Variants in ARSB observed in about 807,000 individuals in gnomAD.
ARSB encodes the protein arylsulfatase B.
Under a neutral mutation model 50.9 loss-of-function variants are expected in ARSB, and 41 were observed. The ratio of observed to expected loss-of-function variants is 0.81; its 90% CI spans 0.63 to 1.04. The LOEUF (loss-of-function observed/expected upper bound fraction) is 1.04, where lower values mean the gene tolerates loss of function less well. Among genes scored for constraint, ARSB ranks in the 50% least tolerant of loss-of-function variants. ARSB has a pLI of 0.00. For synonymous variants in ARSB, 269 were observed against 284.8 expected (o/e 0.94, Z 0.56); for missense variants, 672 against 693.3 (o/e 0.97, Z 0.35).
chr5:78,798,417 C>G (rs982777241), intron 6 of ARSB, among the ~76,000 whole-genome samples: 4 of 150,972 alleles, frequency 2.6e-5, no homozygotes, highest in Admixed American at 2.6e-4. Context: ...AAACTAAACC[C>G]AAAATATTCC....
chr5:78,810,473 T>TC (rs1554071897), intron 6 of ARSB, among the ~76,000 whole-genome samples: 1 of 152,196 alleles, frequency 6.6e-6, no homozygotes, highest in Non-Finnish European at 1.5e-5. Context: ...GAAACCTACA[T>TC]CCCATTTCAG....
In ARSB at chr5:78,939,160, G is replaced by A. The variant is rs73771313; in HGVS notation, c.898+16135C>T. On this transcript the variant is annotated intron_variant, in intron 4 of 7. Transcript: ENST00000264914. The stretch of plus-strand genomic sequence containing the variant: ...TGCAGATGTATCCATGCCATGGGGA[G>A]AACATGAAAGGCTTTCATTAGCACT... 5.0e-3 allele frequency among the ~76,000 whole-genome samples: 768 copies of A among 152,296 alleles called. 7 individuals carry two copies. The highest frequency in any genetic ancestry group is 0.018 in the African/African-American group (744 of 41,562).
intron 4 of ARSB, among the ~76,000 whole-genome samples, chr5:78,912,714 C>T (rs1037320212): frequency 1.3e-5 from 2 of 152,276 alleles, no homozygotes; most frequent in African/African-American, 4.8e-5. Flanking sequence ...GTTTTGAGCT[C>T]ATAATATGAA....
intron 4 of ARSB, among the ~76,000 whole-genome samples, chr5:78,930,448 G>GAAAAAGA (rs1554083392): frequency 4.0e-5 from 6 of 151,834 alleles, no homozygotes; most frequent in South Asian, 2.1e-4. Flanking sequence ...AAAAGAAAAA[G>GAAAAAGA]AAAAAAAGAT....
chr5:78,902,368 T>C (rs1244061969), intron 4 of ARSB, among the ~76,000 whole-genome samples: 1 of 152,160 alleles, frequency 6.6e-6, no homozygotes, highest in Non-Finnish European at 1.5e-5. Flanking sequence ...AAACATAGAT[T>C]TACCACATGA....
intron 3 of ARSB, 45 bp downstream of exon 3, chr5:78,964,371 T>C: frequency 6.4e-7 from 1 of 1,562,356 alleles, no homozygotes; most frequent in South Asian, 1.1e-5. Flanking sequence ...GAAAAGACAT[T>C]AGTGTAACAA....
chr5:78,782,482 G>C (rs1404004326), intron 6 of ARSB, among the ~76,000 whole-genome samples: 1 of 152,184 alleles, frequency 6.6e-6, no homozygotes, highest in Non-Finnish European at 1.5e-5. Flanking sequence ...CTAAAAGTGA[G>C]CAGTGCTCAG....
At chr5:78,897,862 AT>A (rs1392850431) in intron 4 of ARSB, among the ~76,000 whole-genome samples, 3 of 152,138 alleles carry the variant, frequency 2.0e-5, no homozygotes, top group Non-Finnish European at 4.4e-5. Context: ...ATTTTTAAAT[AT>A]TTTTTTCTAG....
intron 1 of ARSB, among the ~76,000 whole-genome samples, chr5:78,971,350 A>G (rs10044989): frequency 0.27 from 41,042 of 152,094 alleles, 5,730 homozygotes; most frequent in Middle Eastern, 0.35. Context: ...ACTCTGCACC[A>G]GACACCAGCC....
At chr5:78,897,191 G>T (rs1250573819) in intron 4 of ARSB, among the ~76,000 whole-genome samples, 1 of 152,138 alleles carries the variant, frequency 6.6e-6, no homozygotes, top group Non-Finnish European at 1.5e-5. Context: ...TCAGAAAATT[G>T]TAAACAAGCT....
At chr5:78,903,289 T>TA (rs1748885988) in intron 4 of ARSB, among the ~76,000 whole-genome samples, 2 of 152,194 alleles carry the variant, frequency 1.3e-5, no homozygotes, top group Non-Finnish European at 2.9e-5. Flanking sequence ...AAAGTCTTCC[T>TA]AGTGTCACAA....
At chr5:78,889,682 C>T (rs980343777) in intron 4 of ARSB, among the ~76,000 whole-genome samples, 1 of 152,122 alleles carries the variant, frequency 6.6e-6, no homozygotes, top group Non-Finnish European at 1.5e-5. Context: ...TATTGGTTTG[C>T]CAAAGATCTA....
chr5:78,862,162 A>G (rs1227266989), intron 5 of ARSB, among the ~76,000 whole-genome samples: 3 of 152,222 alleles, frequency 2.0e-5, no homozygotes, highest in Non-Finnish European at 4.4e-5. Flanking sequence ...GATAGGAAGA[A>G]TCAATATAGT....
chr5:78,954,381 G>A (rs1279680837), intron 4 of ARSB, among the ~76,000 whole-genome samples: 1 of 152,184 alleles, frequency 6.6e-6, no homozygotes, highest in Admixed American at 6.5e-5. Context: ...ACATGTAACA[G>A]ATTAGGAAAC....
Position 78,942,335 on chromosome 5 carries a change from G to T in ARSB, c.898+12960C>A, listed in dbSNP as rs183207885. On this transcript the variant is annotated intron_variant, in intron 4 of 7. Coordinates refer to ENST00000264914, the MANE Select transcript of ARSB (RefSeq NM_000046.5). ...CTTGCCTTCTGCTAGCTTTTGAATG[G>T]GTTTGCTCTTGCTTCTCTAGTTCTT... Among the ~76,000 whole-genome samples the T allele has an allele frequency of 9.6e-3, 1,458 of 151,712 alleles. 25 individuals are homozygous for T. Among genetic ancestry groups the T allele is most frequent in the African/African-American group, 0.033 (1,363 of 41,334 alleles).
intron 4 of ARSB, among the ~76,000 whole-genome samples, chr5:78,940,687 G>C (rs1217099513): frequency 6.6e-6 from 1 of 152,166 alleles, no homozygotes; most frequent in Non-Finnish European, 1.5e-5. Context: ...AGTCACTGTA[G>C]CCTTGTAGCA....
chr5:78,852,200 G>T (rs1365988100), intron 5 of ARSB, among the ~76,000 whole-genome samples: 2 of 152,200 alleles, frequency 1.3e-5, no homozygotes, highest in Non-Finnish European at 2.9e-5. Flanking sequence ...GGCTGGTACC[G>T]ATTGTTCCTT....
chr5:78,782,484 A>G (rs375604626), intron 6 of ARSB, among the ~76,000 whole-genome samples: 1 of 152,250 alleles, frequency 6.6e-6, no homozygotes, highest in Non-Finnish European at 1.5e-5. Context: ...AAAAGTGAGC[A>G]GTGCTCAGTT....
At chr5:78,842,232 C>T (rs1745253013) in intron 5 of ARSB, among the ~76,000 whole-genome samples, 1 of 152,060 alleles carries the variant, frequency 6.6e-6, no homozygotes, top group Non-Finnish European at 1.5e-5. Flanking sequence ...AGAAGACAAT[C>T]TGGGGGCATG....
Sources: gnomAD v4.1 joint callset for allele counts (sites outside exome capture counted in the v4.1 genomes callset) on GRCh38, gnomAD v4.1.1 for gene constraint, MANE v1.5 for transcripts, NCBI Gene and HGNC (gene_info 2026-07-23, HGNC 2026-07-21) for gene names.